The following PPFIBP1 variants were observed in gnomAD, a reference collection of about 807,000 sequenced individuals.
The protein encoded by PPFIBP1 is PPFIB scaffold protein 1.
PPFIBP1 carries 112 observed loss-of-function variants against 137.8 expected under a neutral mutation model. The observed-to-expected ratio is 0.81, with a 90% CI of 0.70 to 0.95. The LOEUF is 0.95. Ranked by LOEUF, PPFIBP1 falls within the 40% of genes least tolerant of loss-of-function variation. The probability of loss-of-function intolerance (pLI) is 0.00; values close to 1 mark genes in which losing one functional copy is unlikely to be tolerated. For synonymous variants in PPFIBP1, 378 were observed against 417.3 expected (o/e 0.91, Z 1.15); for missense variants, 1,083 against 1,196.6 (o/e 0.91, Z 1.40).
chr12:27,681,208 A>T (rs547421614), intron 21 of PPFIBP1, among the ~76,000 whole-genome samples: 9 of 152,338 alleles, frequency 5.9e-5, no homozygotes, highest in South Asian at 4.1e-4. Flanking sequence ...TTTCAGTCCA[A>T]CTGAGTTTCC....
intron 2 of PPFIBP1, among the ~76,000 whole-genome samples, chr12:27,620,365 G>A (rs528519546): frequency 2.0e-4 from 31 of 152,130 alleles, no homozygotes; most frequent in South Asian, 1.7e-3. Flanking sequence ...ACCAGCTTCC[G>A]GCCCACTAAC....
intron 1 of PPFIBP1, among the ~76,000 whole-genome samples, chr12:27,527,056 T>A (rs1418237818): frequency 2.6e-5 from 4 of 152,148 alleles, no homozygotes; most frequent in Non-Finnish European, 4.4e-5. Context: ...CAGAACAAGG[T>A]CATTTTTCCC....
At chr12:27,582,970 A>G (rs1485375140) in intron 2 of PPFIBP1, among the ~76,000 whole-genome samples, 1 of 152,114 alleles carries the variant, frequency 6.6e-6, no homozygotes, top group Non-Finnish European at 1.5e-5. Context: ...TTTTTTACCT[A>G]ATTCCTTTCC....
intron 2 of PPFIBP1, among the ~76,000 whole-genome samples, chr12:27,588,099 A>G (rs1301037716): frequency 6.6e-6 from 1 of 152,216 alleles, no homozygotes; most frequent in Non-Finnish European, 1.5e-5. Flanking sequence ...TGGTGTCCTC[A>G]TAATTAGATT....
intron 2 of PPFIBP1, among the ~76,000 whole-genome samples, chr12:27,603,310 T>C (rs1257365343): frequency 6.6e-6 from 1 of 152,224 alleles, no homozygotes; most frequent in Non-Finnish European, 1.5e-5. Context: ...GCAGAGTTTT[T>C]GAAATGATTA....
intron 2 of PPFIBP1, among the ~76,000 whole-genome samples, chr12:27,605,891 A>G (rs1477835819): frequency 6.6e-6 from 1 of 152,244 alleles, no homozygotes; most frequent in African/African-American, 2.4e-5. Flanking sequence ...AATGAATGTC[A>G]GAAATGCAAT....
intron 4 of PPFIBP1, among the ~76,000 whole-genome samples, chr12:27,639,706 C>T (rs1299089437): frequency 6.6e-6 from 1 of 152,188 alleles, no homozygotes; most frequent in Non-Finnish European, 1.5e-5. Flanking sequence ...GGCTTCTGAC[C>T]TGTTAAATCA....
intron 1 of PPFIBP1, among the ~76,000 whole-genome samples, chr12:27,553,140 A>C (rs918329984): frequency 6.6e-6 from 1 of 152,154 alleles, no homozygotes; most frequent in Non-Finnish European, 1.5e-5. Context: ...ACTGAACTTA[A>C]CTCATTGCCA....
chr12:27,561,618 G>A (rs1447603815), intron 1 of PPFIBP1, among the ~76,000 whole-genome samples: 1 of 152,072 alleles, frequency 6.6e-6, no homozygotes, highest in Non-Finnish European at 1.5e-5. Context: ...GTTATGCATG[G>A]TCTCTCCTCT....
chr12:27,672,398 A>G, intron 14 of PPFIBP1, 29 bp from the exon 15 acceptor site: 1 of 1,572,130 alleles, frequency 6.4e-7, no homozygotes, highest in Non-Finnish European at 8.7e-7. Context: ...CGTGAAGTTA[A>G]TAAATACCTT....
chr12:27,540,955 C>G (rs1270275780), intron 1 of PPFIBP1, among the ~76,000 whole-genome samples: 2 of 152,262 alleles, frequency 1.3e-5, no homozygotes, highest in African/African-American at 4.8e-5. Context: ...TTTTCACCTG[C>G]TGTTTCTAAT....
intron 1 of PPFIBP1, among the ~76,000 whole-genome samples, chr12:27,545,442 G>C (rs67259088): frequency 0.16 from 24,205 of 152,130 alleles, 2,242 homozygotes; most frequent in Middle Eastern, 0.26. Flanking sequence ...GCCTCATGCT[G>C]ATCCCTTCAA....
chr12:27,528,241 G>T (rs772785165), intron 1 of PPFIBP1, among the ~76,000 whole-genome samples: 2 of 152,014 alleles, frequency 1.3e-5, no homozygotes, highest in African/African-American at 4.8e-5. Context: ...GAGCCACCAC[G>T]CCTGGTTATG....
chr12:27,531,281 G>T (rs138925805), intron 1 of PPFIBP1, among the ~76,000 whole-genome samples: 23 of 152,106 alleles, frequency 1.5e-4, no homozygotes, highest in African/African-American at 5.1e-4. Flanking sequence ...TGAAGGATTA[G>T]AAATAATTAG....
chr12:27,602,883 C>G (rs1452667285), intron 2 of PPFIBP1, among the ~76,000 whole-genome samples: 1 of 152,198 alleles, frequency 6.6e-6, no homozygotes, highest in African/African-American at 2.4e-5. Context: ...ACAACCCTTT[C>G]CAGTAGAAAT....
At chr12:27,571,264 G>T (rs1251292195) in intron 1 of PPFIBP1, among the ~76,000 whole-genome samples, 1 of 152,070 alleles carries the variant, frequency 6.6e-6, no homozygotes, top group Non-Finnish European at 1.5e-5. Flanking sequence ...TAACATTCTT[G>T]TGAAAGGAGT....
intron 7 of PPFIBP1, among the ~76,000 whole-genome samples, chr12:27,652,483 T>G (rs2058933667): frequency 6.6e-6 from 1 of 152,268 alleles, no homozygotes; most frequent in Non-Finnish European, 1.5e-5. Context: ...AGAAATTGAT[T>G]GAAATAGTTT....
Position 27,635,026 on chromosome 12 carries a change from A to G in PPFIBP1, c.181A>G (p.Met61Val). The G allele has an allele frequency of 6.2e-7, 1 of 1,614,170 alleles. No individual in the cohort carries two copies. Among genetic ancestry groups the G allele is most frequent in the South Asian group, 1.1e-5 (1 of 91,086 alleles). Residue 61 changes from methionine to valine, a missense_variant, in exon 4 of 30, where the codon ATG becomes GTG. Met to Val is a conservative substitution (Grantham distance 21, BLOSUM62 1). Transcript: ENST00000228425. ...GGAAGACCTGCGTGGATTGTTAGAG[A>G]TGATGGAAACAGATGAGAAAGAAGG... is the stretch of plus-strand genomic sequence containing the variant. ...LVEDLRGLLE[M>V]METDEKEGLR...
chr12:27,545,934 C>T (rs1041285649), intron 1 of PPFIBP1, among the ~76,000 whole-genome samples: 6 of 152,214 alleles, frequency 3.9e-5, no homozygotes, highest in African/African-American at 1.4e-4. Flanking sequence ...ATCCCCTCAG[C>T]CTCTTGTCAG....
Sources: allele counts gnomAD v4.1 joint callset (sites outside exome capture counted in the v4.1 genomes callset), GRCh38; gene constraint gnomAD v4.1.1; transcripts MANE v1.5; gene names NCBI Gene and HGNC (gene_info 2026-07-23, HGNC 2026-07-21).